Variants in SLC43A1 observed in about 807,000 individuals in gnomAD.
SLC43A1 encodes solute carrier family 43 member 1.
Under a neutral mutation model 59.5 loss-of-function variants are expected in SLC43A1, and 31 were observed. That is an observed-to-expected ratio of 0.52 (90% CI 0.39 to 0.70). The LOEUF (loss-of-function observed/expected upper bound fraction) is 0.70. Ranked by LOEUF, SLC43A1 falls within the 30% of genes least tolerant of loss-of-function variation. SLC43A1 has a pLI of 0.00. For missense variants in SLC43A1, 598 were observed against 717.8 expected, an observed-to-expected ratio of 0.83 and a Z score of 1.91; for synonymous variants, 259 against 290.9, an observed-to-expected ratio of 0.89 and a Z score of 1.12.
intron 2 of SLC43A1, among the ~76,000 whole-genome samples, chr11:57,508,829 G>C (rs1324052071): frequency 6.6e-6 from 1 of 151,978 alleles, no homozygotes; most frequent in Non-Finnish European, 1.5e-5. Flanking sequence ...TAAATTCTGA[G>C]AAAAGGACTG....
chr11:57,491,444 C>A, intron 10 of SLC43A1, 82 bp from the exon 11 acceptor site: 1 of 1,555,566 alleles, frequency 6.4e-7, no homozygotes, highest in Non-Finnish European at 8.7e-7. Context: ...GGCCAGAGAG[C>A]ACCAAAATAG....
chr11:57,485,225 CA>C lies in SLC43A1; in HGVS notation c.1550del (p.Leu517ArgfsTer33), dbSNP rs748271507. 16 of 1,612,850 alleles carry C rather than the reference CA, an allele frequency of 9.9e-6. No homozygotes were observed. The East Asian group carries it at 3.1e-4, about 31-fold the overall frequency. On this transcript the variant is annotated frameshift_variant, in exon 15 of 15. Transcript: ENST00000278426. LOFTEE classifies it low-confidence loss of function (END_TRUNC). ...ACAGGAATCCCAGGAGTGAGAATAG[CA>C]GGAGGCCCAGATTCACCTTTAGGGC... ...GEPFWVNLGL[L>X]LFSLLGFLLP...
Position 57,500,855 on chromosome 11 carries a change from G to T in SLC43A1, c.389C>A (p.Ala130Asp). ...LMALASRDVEALSPLIFLALS... is the reference protein window; with the variant it reads ...LMALASRDVEDLSPLIFLALS... ...CGCCAGGAATATCAACGGAGACAGAGCTGGAAAGGGGAAAGCAGCAGATGA... is the reference window on the plus strand; with the variant it reads ...CGCCAGGAATATCAACGGAGACAGATCTGGAAAGGGGAAAGCAGCAGATGA... The change falls in exon 5 of 15, where the codon GCT (alanine) becomes GAT (aspartate). Residue 130 changes from alanine (A) to aspartate (D), a missense_variant and splice_region_variant. Coordinates refer to ENST00000278426, the MANE Select transcript of SLC43A1 (RefSeq NM_003627.6). The T allele has an allele frequency of 1.2e-6, 2 of 1,614,188 alleles. No homozygotes were observed. Among genetic ancestry groups the T allele is most frequent in the Non-Finnish European group, 1.7e-6 (2 of 1,180,002 alleles).
chr11:57,511,205 C>T (rs910226679), intron 2 of SLC43A1, among the ~76,000 whole-genome samples: 14 of 152,098 alleles, frequency 9.2e-5, no homozygotes, highest in African/African-American at 3.4e-4. Context: ...GGGAGGATCA[C>T]TTGAGCCCAG....
intron 8 of SLC43A1, among the ~76,000 whole-genome samples, chr11:57,493,073 T>C (rs1943983507): frequency 6.6e-6 from 1 of 151,978 alleles, no homozygotes; most frequent in African/African-American, 2.4e-5. Context: ...AGAAAAAAAC[T>C]CTGAAGCACT....
At chr11:57,489,571 A>C (rs1943842723) in intron 11 of SLC43A1, among the ~76,000 whole-genome samples, 179 bp from the exon 12 acceptor site, 1 of 152,146 alleles carries the variant, frequency 6.6e-6, no homozygotes, top group Non-Finnish European at 1.5e-5. Context: ...TGTTTCTCAA[A>C]GTGTTGCTCC....
chr11:57,489,198 C>A, intron 12 of SLC43A1, 53 bp downstream of exon 12: 3 of 1,606,582 alleles, frequency 1.9e-6, no homozygotes, highest in Non-Finnish European at 8.5e-7. Context: ...GATGGACCAT[C>A]CCTTTGGAGG....
chr11:57,497,928 C>G, intron 5 of SLC43A1, 83 bp from the exon 6 acceptor site: 3 of 915,812 alleles, frequency 3.3e-6, no homozygotes, highest in Non-Finnish European at 5.1e-6. Flanking sequence ...TACAATAGCC[C>G]CAGGAGACGC....
chr11:57,494,297 G>A (rs1944014939), intron 7 of SLC43A1, 126 bp from the exon 8 acceptor site: 1 of 814,546 alleles, frequency 1.2e-6, no homozygotes, highest in Non-Finnish European at 1.9e-6. Context: ...ATGCTCACAA[G>A]CTCCTAATGC....
intron 14 of SLC43A1, 22 bp downstream of exon 14, chr11:57,487,073 C>G (rs762661670): frequency 1.3e-5 from 21 of 1,612,520 alleles, no homozygotes; most frequent in Middle Eastern, 1.8e-4. Context: ...CCTGCTCCCC[C>G]CACACCAACC....
Position 57,515,184 on chromosome 11 carries a change from T to C in SLC43A1, c.-14+260A>G. ...AGCGCTCCAGGAGGTCCGCTGGAAC[T>C]CTGGCAAACGCGCAGCTCTAAGCAG... On this transcript the variant is annotated intron_variant, in intron 1 of 14. Coordinates refer to ENST00000278426, the MANE Select transcript of SLC43A1 (RefSeq NM_003627.6). This position sits in a 1 kb window ranked among gnomAD's most constrained non-coding sequence, Gnocchi z 5.3. 2 of 445,052 alleles carry C rather than the reference T, an allele frequency of 4.5e-6. No individual in the cohort carries two copies. Among genetic ancestry groups the C allele is most frequent in the Non-Finnish European group, 6.0e-6 (2 of 335,938 alleles). The allele number at this position is 445,052 out of a possible 1,614,324, so 27.6% of individuals were successfully genotyped here. A position where few individuals can be genotyped will look rare whatever the true frequency, so the allele number is the denominator to read the frequency against.
Position 57,487,338 on chromosome 11 carries a change from G to T in SLC43A1, c.1410-120C>A. 5 of 1,265,012 alleles carry T rather than the reference G, an allele frequency of 4.0e-6. No homozygotes were observed. The South Asian group carries it at 4.7e-5, about 12-fold the overall frequency. The allele number at this position is 1,265,012 out of a possible 1,614,324, so 78.4% of individuals were successfully genotyped here. ...CAGGCAGGGTGGTGCTTAAGCGTTC[G>T]GGCTCTTTGCATGGGCTCTTTGGTC... On this transcript the variant is annotated intron_variant, in intron 13 of 14. Transcript: ENST00000278426.
chr11:57,491,525 C>T (rs1370528900), intron 10 of SLC43A1, 66 bp downstream of exon 10: 3 of 1,606,120 alleles, frequency 1.9e-6, no homozygotes, highest in Non-Finnish European at 2.6e-6. Flanking sequence ...TAGAGGAGTC[C>T]CGCCCCCTGA....
intron 2 of SLC43A1, among the ~76,000 whole-genome samples, chr11:57,507,061 C>A (rs1156982140): frequency 1.3e-5 from 2 of 152,118 alleles, no homozygotes; most frequent in Non-Finnish European, 2.9e-5. Flanking sequence ...GGCACAGTGG[C>A]TCACATCTGT....
chr11:57,501,434 T>G (rs889015553), intron 2 of SLC43A1, 105 bp from the exon 3 acceptor site: 3 of 1,220,580 alleles, frequency 2.5e-6, no homozygotes, highest in Admixed American at 3.7e-5. Flanking sequence ...CCATGCCAAG[T>G]GCCTTTGGGG....
At chr11:57,490,340 T>C (rs1272017064) in intron 11 of SLC43A1, among the ~76,000 whole-genome samples, 1 of 150,366 alleles carries the variant, frequency 6.7e-6, no homozygotes, top group Non-Finnish European at 1.5e-5. Context: ...TCAATGGTGG[T>C]CTCCAGCCAA....
chr11:57,493,970 C>T (rs371601347), intron 8 of SLC43A1, 23 bp downstream of exon 8: 51 of 1,562,090 alleles, frequency 3.3e-5, no homozygotes, highest in East Asian at 4.6e-5. Context: ...CCCCCAAGGC[C>T]GGCACCTTGA....
intron 5 of SLC43A1, among the ~76,000 whole-genome samples, chr11:57,498,939 A>T (rs2135184725): frequency 6.6e-6 from 1 of 152,260 alleles, no homozygotes; most frequent in Admixed American, 6.5e-5. Context: ...CCCACAGCTG[A>T]GAAGGACCTT....
In SLC43A1 at chr11:57,514,733, G is replaced by T; in HGVS notation, c.-13-609C>A. On this transcript the variant is annotated intron_variant, in intron 1 of 14. Transcript: ENST00000278426. The surrounding 1 kb of genome is among the most constrained non-coding windows in gnomAD (Gnocchi z 5.5). ...CAGCTGCCACGTGGAGGGAGACCCA[G>T]GACGGGCTCTCCTCGGTTCCCTCCT... 1 of 784,436 alleles carries T rather than the reference G, an allele frequency of 1.3e-6. No individual in the cohort carries two copies. The highest frequency in any genetic ancestry group is 1.5e-6 in the Non-Finnish European group (1 of 645,974). 48.6% of individuals were successfully genotyped at this position (784,436 alleles called of 1,614,324 possible).
Sources: allele counts gnomAD v4.1 joint callset (sites outside exome capture counted in the v4.1 genomes callset), GRCh38; gene constraint gnomAD v4.1.1; non-coding constraint Gnocchi (gnomAD v3.1); transcripts MANE v1.5; gene names NCBI Gene and HGNC (gene_info 2026-07-23, HGNC 2026-07-21).